Variants in SCLT1 observed in about 807,000 individuals in gnomAD.
SCLT1 encodes the protein sodium channel-associated protein 1.
In SCLT1, 78 loss-of-function variants were observed where a neutral mutation model predicts 112.8. The ratio of observed to expected loss-of-function variants is 0.69; its 90% CI spans 0.58 to 0.83. The LOEUF (loss-of-function observed/expected upper bound fraction) is 0.83. SCLT1 is among the 40% of genes least tolerant of loss of function. The pLI, the probability that SCLT1 is intolerant of heterozygous loss-of-function variation, is 0.00. For synonymous variants in SCLT1, 257 were observed against 254.7 expected (o/e 1.01, Z -0.09); for missense variants, 747 against 770.4 (o/e 0.97, Z 0.36).
chr4:128,881,295 GA>G (rs555341833), downstream of SCLT1, among the ~76,000 whole-genome samples: 1 of 151,756 alleles, frequency 6.6e-6, no homozygotes, highest in Non-Finnish European at 1.5e-5. Flanking sequence ...AATTTATTTT[GA>G]AAAAAATGAT....
At chr4:129,084,861 AAAT>A (rs1752258723) in intron 1 of SCLT1, among the ~76,000 whole-genome samples, 2 of 152,208 alleles carry the variant, frequency 1.3e-5, no homozygotes, top group Admixed American at 1.3e-4. Context: ...CACAATATAT[AAAT>A]AATAACTCAA....
intron 2 of SCLT1, among the ~76,000 whole-genome samples, chr4:129,046,782 C>T (rs947547433): frequency 6.6e-6 from 1 of 152,054 alleles, no homozygotes; most frequent in Non-Finnish European, 1.5e-5. Context: ...CATTTACTCT[C>T]CCACAGGCAG....
At chr4:129,009,860 A>C (rs1180065654) in intron 5 of SCLT1, among the ~76,000 whole-genome samples, 1 of 152,186 alleles carries the variant, frequency 6.6e-6, no homozygotes, top group Non-Finnish European at 1.5e-5. Context: ...CCTTTGTCAG[A>C]TGCAGTTTGC....
chr4:128,929,750 G>C (rs140933785), intron 18 of SCLT1, among the ~76,000 whole-genome samples: 1 of 152,328 alleles, frequency 6.6e-6, no homozygotes, highest in African/African-American at 2.4e-5. Flanking sequence ...AAGGAAAAGA[G>C]AGACTTGTCA....
At chr4:128,985,277 A>G (rs1560928544) in intron 9 of SCLT1, among the ~76,000 whole-genome samples, 1 of 152,210 alleles carries the variant, frequency 6.6e-6, no homozygotes, top group Non-Finnish European at 1.5e-5. Flanking sequence ...TGTAACAGAT[A>G]TATAATTTTT....
At chr4:128,960,372 T>G (rs4975290) in intron 11 of SCLT1, among the ~76,000 whole-genome samples, 111,887 of 151,974 alleles carry the variant, frequency 0.74, 42,220 homozygotes, top group African/African-American at 0.92. Flanking sequence ...ATAAAAATCA[T>G]AGTATACACC....
chr4:129,002,454 T>C (rs1488652053), intron 6 of SCLT1, among the ~76,000 whole-genome samples: 1 of 152,028 alleles, frequency 6.6e-6, no homozygotes, highest in African/African-American at 2.4e-5. Flanking sequence ...AATATAGTAC[T>C]CTTAATATTC....
rs761622486 is a variant in SCLT1 at position 129,039,009 on chromosome 4, TA to T, written c.290+31del. The T allele has an allele frequency of 3.2e-6, 4 of 1,267,192 alleles. No homozygotes were observed. In the Admixed American group the frequency reaches 6.9e-5, roughly 22 times the overall value. The allele number at this position is 1,267,192 out of a possible 1,614,324, so 78.5% of individuals were successfully genotyped here. On this transcript the variant is annotated intron_variant, in intron 5 of 20. Transcript: ENST00000281142. ...AAATAAAAGTTACCTAAGACAATAATAAAAGATAAAACCAATAGTTAATTGA... is the reference window on the plus strand; with the variant it reads ...AAATAAAAGTTACCTAAGACAATAATAAAGATAAAACCAATAGTTAATTGA...
chr4:129,024,682 G>GA (rs1451424543), intron 5 of SCLT1, among the ~76,000 whole-genome samples: 3 of 152,202 alleles, frequency 2.0e-5, no homozygotes, highest in Non-Finnish European at 4.4e-5. Context: ...ACCAGCAACG[G>GA]AACAAAGCTG....
chr4:129,056,914 T>C (rs1439555638), intron 2 of SCLT1, among the ~76,000 whole-genome samples: 2 of 152,196 alleles, frequency 1.3e-5, no homozygotes, highest in Non-Finnish European at 2.9e-5. Flanking sequence ...TTCCAAATCT[T>C]AGGAAGAAAA....
chr4:129,004,524 A>C (rs1743821956), intron 5 of SCLT1, among the ~76,000 whole-genome samples: 1 of 152,136 alleles, frequency 6.6e-6, no homozygotes, highest in Admixed American at 6.6e-5. Flanking sequence ...AGGAAGGTAC[A>C]ACTTAAAAGA....
intron 18 of SCLT1, among the ~76,000 whole-genome samples, chr4:128,895,458 A>G (rs1328622591): frequency 6.6e-6 from 1 of 152,154 alleles, no homozygotes; most frequent in Non-Finnish European, 1.5e-5. Context: ...CTGCATATGT[A>G]TTACCTCAGG....
intron 18 of SCLT1, among the ~76,000 whole-genome samples, chr4:128,915,277 AC>A (rs1463480280): frequency 5.9e-5 from 9 of 152,224 alleles, no homozygotes; most frequent in African/African-American, 2.2e-4. Flanking sequence ...GCCAACGTGT[AC>A]TTTTCTAGAT....
chr4:128,921,581 C>T (rs149264356), intron 18 of SCLT1, among the ~76,000 whole-genome samples: 1 of 152,274 alleles, frequency 6.6e-6, no homozygotes, highest in African/African-American at 2.4e-5. Flanking sequence ...ATAAATGGTG[C>T]TCAGATAACT....
At chr4:128,916,432 G>A (rs897256915) in intron 18 of SCLT1, among the ~76,000 whole-genome samples, 9 of 152,224 alleles carry the variant, frequency 5.9e-5, no homozygotes, top group South Asian at 2.1e-4. Flanking sequence ...CAATAAAGGA[G>A]TAGCACTGCC....
At chr4:129,012,954 T>A (rs1047283007) in intron 5 of SCLT1, among the ~76,000 whole-genome samples, 5 of 152,204 alleles carry the variant, frequency 3.3e-5, no homozygotes, top group Non-Finnish European at 7.3e-5. Context: ...GGGTTTTGCT[T>A]CTTTATTCAG....
chr4:128,949,288 G>A (rs1276467260), intron 14 of SCLT1, among the ~76,000 whole-genome samples: 3 of 151,150 alleles, frequency 2.0e-5, no homozygotes, highest in African/African-American at 7.3e-5. Flanking sequence ...AGTGCAGGGG[G>A]AGGTCATCTC....
chr4:128,922,509 A>T (rs988645007), intron 18 of SCLT1, among the ~76,000 whole-genome samples: 3 of 152,184 alleles, frequency 2.0e-5, no homozygotes, highest in African/African-American at 7.2e-5. Context: ...AGCAACACGG[A>T]TGGAGTTGGA....
intron 4 of SCLT1, chr4:128,875,006 A>G (rs1322662449): frequency 1.2e-5 from 1 of 84,154 alleles, no homozygotes; most frequent in Non-Finnish European, 2.1e-5. Context: ...CTAAAATTGA[A>G]AAAAAAAAAA....
Sources: allele counts gnomAD v4.1 joint callset (sites outside exome capture counted in the v4.1 genomes callset), GRCh38; gene constraint gnomAD v4.1.1; transcripts MANE v1.5; gene names NCBI Gene and HGNC (gene_info 2026-07-23, HGNC 2026-07-21).